Variants in ANKRD27 observed in about 807,000 individuals in gnomAD.
ANKRD27 encodes the protein ankyrin repeat domain-containing protein 27.
In ANKRD27, 112 loss-of-function variants were observed where a neutral mutation model predicts 129.7. That is an observed-to-expected ratio of 0.86 (90% CI 0.74 to 1.01). The LOEUF is 1.01. ANKRD27 is among the 50% of genes least tolerant of loss of function. The pLI, the probability that ANKRD27 is intolerant of heterozygous loss-of-function variation, is 0.00. For synonymous variants in ANKRD27, 516 were observed against 511.2 expected (o/e 1.01, Z -0.13); for missense variants, 1,258 against 1,300.5 (o/e 0.97, Z 0.50).
intron 1 of ANKRD27, among the ~76,000 whole-genome samples, chr19:32,662,836 A>C (rs1048670107): frequency 2.6e-5 from 4 of 152,116 alleles, no homozygotes; most frequent in African/African-American, 9.7e-5. Context: ...TGAGGTCAGG[A>C]GTTTGAGACC....
intron 22 of ANKRD27, among the ~76,000 whole-genome samples, chr19:32,609,708 C>T (rs938581385): frequency 6.6e-6 from 1 of 151,918 alleles, no homozygotes; most frequent in African/African-American, 2.4e-5. Context: ...GAAACTCTTG[C>T]AAGTGAGGGA....
intron 12 of ANKRD27, among the ~76,000 whole-genome samples, chr19:32,633,630 C>G (rs1243045856): frequency 6.6e-6 from 1 of 151,902 alleles, no homozygotes; most frequent in South Asian, 2.1e-4. Context: ...AACCCAGATT[C>G]TTTCAAAGTT....
At chr19:32,602,780 C>T (rs578104350) in intron 25 of ANKRD27, among the ~76,000 whole-genome samples, 1 of 152,122 alleles carries the variant, frequency 6.6e-6, no homozygotes, top group South Asian at 2.1e-4. Context: ...GTCCCAGCTA[C>T]TTGGGAGGCT....
Position 32,622,746 on chromosome 19 carries a change from C to T in ANKRD27, c.1630-127G>A, listed in dbSNP as rs1429160442. 8.8e-5 allele frequency: 68 copies of T among 768,736 alleles called. 1 individual carries two copies. The East Asian group carries it at 1.7e-3, about 19-fold the overall frequency. The allele number at this position is 768,736 out of a possible 1,614,324, so 47.6% of individuals were successfully genotyped here. A position where few individuals can be genotyped will look rare whatever the true frequency, so the allele number is the denominator to read the frequency against. ...ACAGAACTCAGAAGTGTCACAGTAT[C>T]TGATCAGGACACCTCATTCTCATTC... is the stretch of plus-strand genomic sequence containing the variant. On this transcript the variant is annotated intron_variant, in intron 17 of 28. Transcript: ENST00000306065.
intron 24 of ANKRD27, among the ~76,000 whole-genome samples, chr19:32,604,989 T>C (rs1257182728): frequency 6.6e-6 from 1 of 152,076 alleles, no homozygotes; most frequent in Non-Finnish European, 1.5e-5. Flanking sequence ...GGAGAATCGC[T>C]TGAACCCCGG....
chr19:32,601,026 C>T (rs1006766783), intron 26 of ANKRD27, among the ~76,000 whole-genome samples: 26 of 152,248 alleles, frequency 1.7e-4, no homozygotes, highest in African/African-American at 5.8e-4. Flanking sequence ...AGGCCAGGCG[C>T]GGTGGCTCAC....
rs1032659044 is a variant in ANKRD27, at chr19:32,639,497, A to G, written c.984-9T>C. 6.2e-7 allele frequency: 1 copy of G among 1,610,878 alleles called. No homozygotes were observed. On this transcript the variant is annotated splice_polypyrimidine_tract_variant and intron_variant, in intron 11 of 28. Transcript: ENST00000306065. ...AACTCAAATTTGCCATCCTAATGAA[A>G]GGAAGAAAAAAGTTATGTTGTTGTC...
At chr19:32,604,168 G>T in intron 25 of ANKRD27, 95 bp downstream of exon 25, 2 of 1,405,132 alleles carry the variant, frequency 1.4e-6, no homozygotes, top group Non-Finnish European at 1.9e-6. Flanking sequence ...CCAAGGGCCA[G>T]GTGTTGCTAT....
chr19:32,660,775 T>C (rs1253691994), intron 1 of ANKRD27, among the ~76,000 whole-genome samples: 2 of 152,230 alleles, frequency 1.3e-5, no homozygotes, highest in Non-Finnish European at 2.9e-5. Context: ...TCATTTTCAT[T>C]GGTTCATTAA....
In ANKRD27 at chr19:32,622,543, A is replaced by G; in HGVS notation, c.1706T>C (p.Leu569Pro). 6.2e-7 allele frequency: 1 copy of G among 1,614,134 alleles called. No individual in the cohort carries two copies. Among genetic ancestry groups the G allele is most frequent in the Non-Finnish European group, 8.5e-7 (1 of 1,180,036 alleles). ...GTAGCCCCAGCGGGCAGCAATGTGT[A>G]GAGGGGTGTCTCCTTTCTCATTGCC... Reference protein sequence around the residue: ...DIGNEKGDTPLHIAARWGYQG... With the variant: ...DIGNEKGDTPPHIAARWGYQG... Residue 569 changes from leucine to proline, a missense_variant, in exon 18 of 29, where the codon CTA becomes CCA. Physicochemically the swap from Leu to Pro is moderately conservative, Grantham distance 98. Coordinates refer to ENST00000306065, the MANE Select transcript of ANKRD27 (RefSeq NM_032139.3).
In ANKRD27 at chr19:32,615,685, C is replaced by T; in HGVS notation, c.2148G>A (p.Gln716=). ...TCTGAGCTGGGGCACACTTGGGGCA[C>T]TGGCACAACGGGTGACAGAATTCGG... ...ADPEFCHPLC[Q]CPKCAPAQKR... The change falls in exon 22 of 29, where the codon CAG becomes CAA. Residue 716 remains glutamine, a synonymous_variant. Transcript: ENST00000306065. The T allele has an allele frequency of 1.9e-6, 3 of 1,614,248 alleles. No homozygotes were observed. The highest frequency in any genetic ancestry group is 2.5e-6 in the Non-Finnish European group (3 of 1,180,044).
intron 13 of ANKRD27, among the ~76,000 whole-genome samples, chr19:32,631,185 T>C (rs769293058): frequency 6.6e-6 from 1 of 151,986 alleles, no homozygotes; most frequent in Non-Finnish European, 1.5e-5. Context: ...ACCCAGCTAA[T>C]TTTTGTATTT....
At chr19:32,609,836 ATG>A (rs35592761) in intron 22 of ANKRD27, among the ~76,000 whole-genome samples, 87,300 of 150,056 alleles carry the variant, frequency 0.58, 26,505 homozygotes, top group Non-Finnish European at 0.69. Flanking sequence ...ATAAATTATA[ATG>A]TATATAATTA....
intron 28 of ANKRD27, among the ~76,000 whole-genome samples, chr19:32,599,001 C>T (rs1340408790): frequency 3.3e-5 from 5 of 152,090 alleles, no homozygotes; most frequent in Admixed American, 6.6e-5. Context: ...CAGTAGGGTC[C>T]GGGCACGGTG....
intron 21 of ANKRD27, 87 bp from the exon 22 acceptor site, chr19:32,615,867 C>T (rs1971910388): frequency 3.3e-6 from 5 of 1,528,352 alleles, no homozygotes; most frequent in African/African-American, 2.8e-5. Context: ...CAACCGTTCC[C>T]AATCAGGGCC....
chr19:32,631,291 T>C, intron 13 of ANKRD27, 111 bp downstream of exon 13: 1 of 958,048 alleles, frequency 1.0e-6, no homozygotes, highest in Non-Finnish European at 1.6e-6. Flanking sequence ...AGTGCTGTGA[T>C]TATAGGCATG....
At chr19:32,604,159 C>A in intron 25 of ANKRD27, 104 bp downstream of exon 25, 1 of 1,341,184 alleles carries the variant, frequency 7.5e-7, no homozygotes, top group South Asian at 1.7e-5. Flanking sequence ...CCGGCGATGC[C>A]AAGGGCCAGG....
rs1971770406 is a variant in ANKRD27 at position 32,607,835 on chromosome 19, G to A, written c.2176-3C>T. 1.2e-6 allele frequency: 2 copies of A among 1,601,040 alleles called. No homozygotes were observed. The highest frequency in any genetic ancestry group is 2.7e-5 in the African/African-American group (2 of 74,616). On this transcript the variant is annotated splice_polypyrimidine_tract_variant and splice_region_variant and intron_variant, in intron 22 of 28. Coordinates refer to ENST00000306065, the MANE Select transcript of ANKRD27 (RefSeq NM_032139.3). ...CTGGCAGGAACCTTCGCCAGCCTCT[G>A]GGAAGCGCAGAAGATGGAAACACAA...
At chr19:32,614,522 G>A (rs897220906) in intron 22 of ANKRD27, among the ~76,000 whole-genome samples, 2 of 151,854 alleles carry the variant, frequency 1.3e-5, no homozygotes, top group Non-Finnish European at 2.9e-5. Flanking sequence ...TGGCCAACAT[G>A]GTGAAACCCT....
Sources: allele counts gnomAD v4.1 joint callset (sites outside exome capture counted in the v4.1 genomes callset), GRCh38; gene constraint gnomAD v4.1.1; transcripts MANE v1.5; gene names NCBI Gene and HGNC (gene_info 2026-07-23, HGNC 2026-07-21).